PARP8: variants seen among roughly 807,000 people sequenced by gnomAD.
The protein encoded by PARP8 is protein mono-ADP-ribosyltransferase PARP8.
Under a neutral mutation model 124.1 loss-of-function variants are expected in PARP8, and 51 were observed. That is an observed-to-expected ratio of 0.41 (90% confidence interval 0.33 to 0.52). The LOEUF (loss-of-function observed/expected upper bound fraction) is 0.52, where lower values mean the gene tolerates loss of function less well. PARP8 is among the 20% of genes least tolerant of loss of function. The pLI is 0.21. For missense variants in PARP8, 860 were observed against 1,018.9 expected, an observed-to-expected ratio of 0.84 and a Z score of 2.12; for synonymous variants, 391 against 361.5, an observed-to-expected ratio of 1.08 and a Z score of -0.93.
Position 50,795,148 on chromosome 5 carries a change from C to G in PARP8, c.1159C>G (p.Arg387Gly). The G allele has an allele frequency of 6.2e-7, 1 of 1,614,190 alleles. No individual in the cohort carries two copies. Among genetic ancestry groups the G allele is most frequent in the Non-Finnish European group, 8.5e-7 (1 of 1,180,030 alleles). ...TCTAAAGTCGCATAGACTATTGACT[C>G]GATCTTGTTCTGGAGATCCACGATG... Reference protein sequence around the residue: ...LTLKSHRLLTRSCSGDPRCEH... With the variant: ...LTLKSHRLLTGSCSGDPRCEH... Residue 387 changes from arginine to glycine, a missense_variant, in exon 12 of 26, where the codon CGA becomes GGA. Coordinates refer to ENST00000281631, the MANE Select transcript of PARP8 (RefSeq NM_024615.4).
At chr5:50,831,887 A>T (rs181764805) in intron 22 of PARP8, among the ~76,000 whole-genome samples, 65 of 152,300 alleles carry the variant, frequency 4.3e-4, no homozygotes, top group African/African-American at 1.5e-3. Flanking sequence ...CTACAGTAAG[A>T]TGACGTAGCA....
chr5:50,813,383 GCTCT>G (rs1313872280), intron 14 of PARP8, among the ~76,000 whole-genome samples: 1 of 131,538 alleles, frequency 7.6e-6, no homozygotes, highest in Admixed American at 7.8e-5. Context: ...TCATGATTTG[GCTCT>G]CTGTTTGTCT....
At position 50,843,792 on chromosome 5, in the gene PARP8, A is replaced by G. The variant is rs899367584; in HGVS notation, c.*1724A>G. ...TTGCCAAGATGCTGCAAGTCTCCCA[A>G]ATCACTTCAACTGTGTTTTTAAAAC... On this transcript the variant is annotated 3_prime_UTR_variant, in exon 26 of 26. Coordinates refer to ENST00000281631, the MANE Select transcript of PARP8 (RefSeq NM_024615.4). 1 of 151,790 alleles carries G rather than the reference A, an allele frequency of 6.6e-6. No homozygotes were observed. The highest frequency in any genetic ancestry group is 2.4e-5 in the African/African-American group (1 of 41,382). 9.4% of individuals were successfully genotyped at this position (151,790 alleles called of 1,614,324 possible).
chr5:50,732,398 C>T (rs1472831091), intron 2 of PARP8, among the ~76,000 whole-genome samples: 1 of 152,104 alleles, frequency 6.6e-6, no homozygotes, highest in East Asian at 1.9e-4. Flanking sequence ...TAAATGCAAA[C>T]AATATTTTGT....
At position 50,777,294 on chromosome 5, in the gene PARP8, A is replaced by G. The variant is rs1740142474; in HGVS notation, c.519-775A>G. ...AATTTCTGGCACATCAGTGCTGAGT[A>G]AATATTGGTCATTAACTTTTATCAT... On this transcript the variant is annotated intron_variant, in intron 7 of 25. Transcript: ENST00000281631. Among the ~76,000 whole-genome samples the G allele has an allele frequency of 3.3e-5, 5 of 152,322 alleles. No homozygotes were observed. The South Asian group carries it at 1.0e-3, about 32-fold the overall frequency.
intron 7 of PARP8, among the ~76,000 whole-genome samples, chr5:50,770,706 AAGG>A (rs992335108): frequency 4.8e-5 from 7 of 146,186 alleles, no homozygotes; most frequent in East Asian, 1.9e-4. Context: ...CAAAGAAAGA[AAGG>A]AGAGAGAAAG....
At chr5:50,722,039 G>A (rs1399080002) in intron 2 of PARP8, among the ~76,000 whole-genome samples, 2 of 152,046 alleles carry the variant, frequency 1.3e-5, no homozygotes, top group African/African-American at 4.8e-5. Flanking sequence ...TGCCCAAGCT[G>A]TTCCCTTTTT....
At chr5:50,691,177 C>T (rs182190209) in intron 2 of PARP8, among the ~76,000 whole-genome samples, 137 of 152,302 alleles carry the variant, frequency 9.0e-4, no homozygotes, top group Non-Finnish European at 1.4e-3. Flanking sequence ...ACATAAAATT[C>T]GATAAACATA....
intron 15 of PARP8, among the ~76,000 whole-genome samples, chr5:50,818,356 G>C (rs1745355650): frequency 6.6e-6 from 1 of 152,006 alleles, no homozygotes; most frequent in Non-Finnish European, 1.5e-5. Context: ...AGCCTCTCTA[G>C]TAGCTGGGAT....
At chr5:50,791,037 A>G (rs1478704935) in intron 10 of PARP8, among the ~76,000 whole-genome samples, 1 of 152,196 alleles carries the variant, frequency 6.6e-6, no homozygotes, top group Non-Finnish European at 1.5e-5. Context: ...CTAAATATAA[A>G]GAGGTTATTT....
chr5:50,831,831 C>G (rs1424845167), intron 22 of PARP8, among the ~76,000 whole-genome samples: 2 of 152,100 alleles, frequency 1.3e-5, no homozygotes, highest in African/African-American at 2.4e-5. Flanking sequence ...CTTACCTTTC[C>G]TCAAATTCTT....
chr5:50,785,193 AAT>A (rs1205998557), intron 9 of PARP8, among the ~76,000 whole-genome samples: 2 of 152,124 alleles, frequency 1.3e-5, no homozygotes, highest in Non-Finnish European at 2.9e-5. Context: ...CTATTGAGTC[AAT>A]GTTTGAAATT....
intron 2 of PARP8, among the ~76,000 whole-genome samples, chr5:50,725,989 G>A (rs1756387034): frequency 6.6e-6 from 1 of 152,068 alleles, no homozygotes; most frequent in Non-Finnish European, 1.5e-5. Context: ...GCTGTTTATG[G>A]TTATGCTACC....
chr5:50,768,962 C>G (rs1761324725), intron 7 of PARP8, among the ~76,000 whole-genome samples: 1 of 152,188 alleles, frequency 6.6e-6, no homozygotes, highest in Non-Finnish European at 1.5e-5. Context: ...ATTTATAGAT[C>G]TACACCTGCA....
At chr5:50,734,784 A>T (rs1273480725) in intron 2 of PARP8, among the ~76,000 whole-genome samples, 1 of 152,098 alleles carries the variant, frequency 6.6e-6, no homozygotes, top group Non-Finnish European at 1.5e-5. Flanking sequence ...ATTTTTAGAC[A>T]TAGAGAAGTG....
chr5:50,755,323 T>A (rs1759805534), intron 3 of PARP8, among the ~76,000 whole-genome samples: 2 of 152,192 alleles, frequency 1.3e-5, no homozygotes, highest in African/African-American at 4.8e-5. Context: ...GGTCTAACAT[T>A]TAAGTCTTTA....
intron 2 of PARP8, among the ~76,000 whole-genome samples, chr5:50,690,543 A>G (rs1752383261): frequency 6.6e-6 from 1 of 152,022 alleles, no homozygotes; most frequent in African/African-American, 2.4e-5. Context: ...AACTAACCCT[A>G]TTAACTTCCT....
At chr5:50,837,725 G>T (rs1198113209) in intron 25 of PARP8, among the ~76,000 whole-genome samples, 1 of 151,442 alleles carries the variant, frequency 6.6e-6, no homozygotes, top group Non-Finnish European at 1.5e-5. Flanking sequence ...AAAATTGGAG[G>T]GAAATTTTAG....
At chr5:50,708,620 A>G (rs1754408255) in intron 2 of PARP8, among the ~76,000 whole-genome samples, 7 of 152,086 alleles carry the variant, frequency 4.6e-5, no homozygotes, top group Admixed American at 3.9e-4. Flanking sequence ...TTACCTTTGT[A>G]TATCTTTGAA....
Sources: allele counts gnomAD v4.1 joint callset (sites outside exome capture counted in the v4.1 genomes callset), GRCh38; gene constraint gnomAD v4.1.1; transcripts MANE v1.5; gene names NCBI Gene and HGNC (gene_info 2026-07-23, HGNC 2026-07-21).